DAB2IP: variants seen among roughly 807,000 people sequenced by gnomAD.
DAB2IP encodes DAB2 interacting protein.
In DAB2IP, 28 loss-of-function variants were observed where a neutral mutation model predicts 107.2. That is an observed-to-expected ratio of 0.26 (90% CI 0.19 to 0.36). The LOEUF (loss-of-function observed/expected upper bound fraction) is 0.36, where lower values mean the gene tolerates loss of function less well. DAB2IP is among the 10% of genes least tolerant of loss of function. The probability of loss-of-function intolerance (pLI) is 1.00; values close to 1 mark genes in which losing one functional copy is unlikely to be tolerated. For synonymous variants in DAB2IP, 755 were observed against 706.4 expected (o/e 1.07, Z -1.09); for missense variants, 1,400 against 1,644.7 (o/e 0.85, Z 2.57).
At chr9:121,673,121 T>G (rs1833749252) in intron 1 of DAB2IP, among the ~76,000 whole-genome samples, 1 of 152,164 alleles carries the variant, frequency 6.6e-6, no homozygotes, top group South Asian at 2.1e-4. Flanking sequence ...ACTCCCTGAC[T>G]CATTGGATTG....
intron 1 of DAB2IP, among the ~76,000 whole-genome samples, chr9:121,640,320 GGTGGGAAGACGGGCCTGT>G: frequency 6.6e-6 from 1 of 152,074 alleles, no homozygotes; most frequent in Non-Finnish European, 1.5e-5. Context: ...TGTGGGCCTG[GGTGGGAAGACGGGCCTGT>G]GTGTGCATGG....
chr9:121,740,858 A>T (rs1316768369), intron 3 of DAB2IP, among the ~76,000 whole-genome samples: 1 of 152,174 alleles, frequency 6.6e-6, no homozygotes, highest in Non-Finnish European at 1.5e-5. Flanking sequence ...ACCTCATTTT[A>T]TACATGAGGA....
intron 3 of DAB2IP, among the ~76,000 whole-genome samples, chr9:121,721,542 A>G (rs547082388): frequency 1.8e-4 from 28 of 152,312 alleles, no homozygotes; most frequent in Middle Eastern, 3.4e-3. Context: ...ATGTTCTGCT[A>G]AGGGGGGCAG....
intron 3 of DAB2IP, among the ~76,000 whole-genome samples, chr9:121,738,288 C>T (rs925928706): frequency 5.3e-5 from 8 of 152,182 alleles, no homozygotes; most frequent in South Asian, 4.1e-4. Context: ...TGTGCCCTCG[C>T]GCTCTCCCAG....
intron 2 of DAB2IP, among the ~76,000 whole-genome samples, chr9:121,692,968 C>T (rs1829236243): frequency 6.6e-6 from 1 of 152,246 alleles, no homozygotes; most frequent in Non-Finnish European, 1.5e-5. Context: ...GCGGCCCAGG[C>T]ACCCTGGCCC....
rs1384942469 is a variant in DAB2IP, at chr9:121,642,003, C to T, written c.41-36675C>T. Among the ~76,000 whole-genome samples the T allele has an allele frequency of 1.2e-3, 22 of 18,600 alleles. 1 individual carries two copies. Among genetic ancestry groups the T allele is most frequent in the African/African-American group, 5.6e-3 (16 of 2,864 alleles). The allele number at this position is 18,600 out of a possible 152,430, so 12.2% of individuals were successfully genotyped here. On this transcript the variant is annotated intron_variant, in intron 1 of 16. Transcript: ENST00000259371. Reference sequence around the variant, plus strand: ...TTCTTTCTTTCTTTCCTTTCTCTCTCTCTCTCTCTCTCTCTCTCTCTCTCT... The same window carrying T: ...TTCTTTCTTTCTTTCCTTTCTCTCTTTCTCTCTCTCTCTCTCTCTCTCTCT...
chr9:121,623,570 G>A (rs570621491), intron 1 of DAB2IP, among the ~76,000 whole-genome samples: 3 of 152,076 alleles, frequency 2.0e-5, no homozygotes, highest in Non-Finnish European at 4.4e-5. Context: ...GTCTGGCTAT[G>A]TTGCCCAGGC....
chr9:121,573,257 G>A (rs368930315), intron 1 of DAB2IP, among the ~76,000 whole-genome samples: 1 of 151,908 alleles, frequency 6.6e-6, no homozygotes, highest in Non-Finnish European at 1.5e-5. Context: ...TGAATTTTTT[G>A]GTAGAGGCGG....
chr9:121,608,744 T>C (rs970473996), intron 1 of DAB2IP, among the ~76,000 whole-genome samples: 5 of 152,194 alleles, frequency 3.3e-5, no homozygotes, highest in Non-Finnish European at 7.3e-5. Flanking sequence ...AGGTATTACT[T>C]TATGGTGTTT....
At chr9:121,672,078 C>T (rs984177741) in intron 1 of DAB2IP, among the ~76,000 whole-genome samples, 9 of 152,232 alleles carry the variant, frequency 5.9e-5, no homozygotes, top group Admixed American at 1.3e-4. Context: ...CATTTGGAGT[C>T]GCAGTTCTTT....
chr9:121,646,351 C>A (rs1174383801), intron 1 of DAB2IP, among the ~76,000 whole-genome samples: 1 of 152,134 alleles, frequency 6.6e-6, no homozygotes, highest in Non-Finnish European at 1.5e-5. Context: ...CCCAGCCTCC[C>A]CCATCTTCCT....
At chr9:121,666,303 A>G (rs116009521) in intron 1 of DAB2IP, among the ~76,000 whole-genome samples, 101 of 152,328 alleles carry the variant, frequency 6.6e-4, no homozygotes, top group African/African-American at 2.2e-3. Flanking sequence ...CCTTAAATTA[A>G]TCACATCTGC....
chr9:121,567,366 G>A, intron 1 of DAB2IP: 1 of 1,256,072 alleles, frequency 8.0e-7, no homozygotes, highest in South Asian at 1.3e-5. Context: ...GGACCCATGG[G>A]TGGGCATGGG....
chr9:121,666,023 A>T (rs1056810789), intron 1 of DAB2IP, among the ~76,000 whole-genome samples: 1 of 152,204 alleles, frequency 6.6e-6, no homozygotes, highest in Non-Finnish European at 1.5e-5. Flanking sequence ...GTTCTGGGGG[A>T]CAGAAGTCTG....
chr9:121,737,264 C>T lies in DAB2IP; in HGVS notation c.363-19749C>T, dbSNP rs540161576. 4.8e-3 allele frequency: 4,704 copies of T among 985,418 alleles called. 19 individuals are homozygous for T. The highest frequency in any genetic ancestry group is 5.4e-3 in the Non-Finnish European group (4,510 of 829,932). 61.0% of individuals were successfully genotyped at this position (985,418 alleles called of 1,614,324 possible). ...ATAGTTTGCTTTCAGGAGTGTTTCT[C>T]GTCTTCTTGGACCTGGAGGTTGTGC... On this transcript the variant is annotated intron_variant, in intron 3 of 15. Coordinates refer to ENST00000408936, the Ensembl canonical transcript of DAB2IP.
rs1012303613 is a variant in DAB2IP, at chr9:121,776,042, C to A, written c.3121-156C>A. On this transcript the variant is annotated intron_variant, in intron 13 of 15. Transcript: ENST00000408936. This position sits in a 1 kb window ranked among gnomAD's most constrained non-coding sequence, Gnocchi z 5.4. ...CTGGCTGCAGCCCCCACCAGCTGGG[C>A]TCCTTGGGCATCTCCTTGCTATGTG... is the stretch of plus-strand genomic sequence containing the variant. 6.6e-6 allele frequency among the ~76,000 whole-genome samples: 1 copy of A among 152,292 alleles called. No homozygotes were observed. The highest frequency in any genetic ancestry group is 1.5e-5 in the Non-Finnish European group (1 of 68,036).
chr9:121,762,324 G>A (rs1587976014), intron 6 of DAB2IP, among the ~76,000 whole-genome samples: 3 of 152,176 alleles, frequency 2.0e-5, no homozygotes, highest in Non-Finnish European at 4.4e-5. Context: ...CTCTCATTGC[G>A]GGAGTTCAGG....
chr9:121,679,526 G>C (rs1828469556), intron 2 of DAB2IP, among the ~76,000 whole-genome samples: 1 of 151,840 alleles, frequency 6.6e-6, no homozygotes, highest in Admixed American at 6.6e-5. Context: ...GCTGTGCCAG[G>C]CACCAGAAAC....
chr9:121,750,246 C>A (rs1365259609), intron 3 of DAB2IP, among the ~76,000 whole-genome samples: 1 of 152,232 alleles, frequency 6.6e-6, no homozygotes, highest in Non-Finnish European at 1.5e-5. Context: ...TGCAGCCAGG[C>A]ACCCTTGACA....
Sources: allele counts gnomAD v4.1 joint callset (sites outside exome capture counted in the v4.1 genomes callset), GRCh38; gene constraint gnomAD v4.1.1; non-coding constraint Gnocchi (gnomAD v3.1); transcripts MANE v1.5; gene names NCBI Gene and HGNC (gene_info 2026-07-23, HGNC 2026-07-21).